SLMAP: variants seen among roughly 807,000 people sequenced by gnomAD.
SLMAP encodes sarcolemma associated protein.
SLMAP carries 44 observed loss-of-function variants against 128.8 expected under a neutral mutation model. The ratio of observed to expected loss-of-function variants is 0.34; its 90% CI spans 0.27 to 0.44. The LOEUF is 0.44. SLMAP is among the 20% of genes least tolerant of loss of function. SLMAP has a pLI of 1.00. For missense variants in SLMAP, 787 were observed against 985.3 expected, an observed-to-expected ratio of 0.80 and a Z score of 2.69; for synonymous variants, 327 against 348.8, an observed-to-expected ratio of 0.94 and a Z score of 0.70.
chr3:57,761,637 T>G (rs2078656696), intron 2 of SLMAP, among the ~76,000 whole-genome samples: 1 of 152,210 alleles, frequency 6.6e-6, no homozygotes, highest in African/African-American at 2.4e-5. Flanking sequence ...TTGATAACTT[T>G]GTCTAAATTG....
At position 57,910,894 on chromosome 3, in the gene SLMAP, C is replaced by T. The variant is rs1186390464; in HGVS notation, c.1700-1487C>T. ...GCCCAAGATACTTGCCCAAAAATAT[C>T]GCAGAGAAAAACTAGTCTTTGGGGT... On this transcript the variant is annotated intron_variant, in intron 19 of 24. Transcript: ENST00000671191. Among the ~76,000 whole-genome samples the T allele has an allele frequency of 3.9e-5, 6 of 152,212 alleles. No individual in the cohort carries two copies. The South Asian group carries it at 6.2e-4, about 16-fold the overall frequency.
At chr3:57,793,954 C>T (rs1221019251) in intron 2 of SLMAP, among the ~76,000 whole-genome samples, 3 of 151,510 alleles carry the variant, frequency 2.0e-5, no homozygotes, top group African/African-American at 7.3e-5. Context: ...GTAGCCCCAG[C>T]TACTCAGGAC....
intron 15 of SLMAP, among the ~76,000 whole-genome samples, chr3:57,893,521 A>G (rs1290582638): frequency 6.6e-6 from 1 of 152,162 alleles, no homozygotes; most frequent in East Asian, 1.9e-4. Context: ...ATTTGGCCCT[A>G]CCTTTAAGGC....
intron 2 of SLMAP, among the ~76,000 whole-genome samples, chr3:57,778,671 C>T (rs957371331): frequency 2.0e-5 from 3 of 149,168 alleles, no homozygotes; most frequent in Non-Finnish European, 4.4e-5. Context: ...AACTCTTGGG[C>T]TCAAGCAATC....
At chr3:57,859,900 G>A (rs187326631) in intron 8 of SLMAP, among the ~76,000 whole-genome samples, 114 of 152,198 alleles carry the variant, frequency 7.5e-4, no homozygotes, top group African/African-American at 2.5e-3. Flanking sequence ...GTTTTCTACG[G>A]GGAAAGCAAG....
rs1480120113 is a variant in SLMAP, at chr3:57,861,955, C to G, written c.835C>G (p.Leu279Val). The G allele has an allele frequency of 6.2e-7, 1 of 1,611,208 alleles. No individual in the cohort carries two copies. The highest frequency in any genetic ancestry group is 2.2e-5 in the East Asian group (1 of 44,804). Residue 279 changes from leucine to valine, a missense_variant, in exon 10 of 25, where the codon CTG becomes GTG. Leu to Val is a conservative substitution (Grantham distance 32). Around this residue, in one of 2 missense-constraint regions of SLMAP, gnomAD observed 715 missense variants for 843.6 expected, o/e 0.85. Coordinates refer to ENST00000671191, the MANE Select transcript of SLMAP (RefSeq NM_001377540.1). ...VRKLSEVERS[L>V]SNTEDECTHL... ...CTGTAAACTTGAATCGCAGCGAAGT[C>G]TGAGTAATACTGAAGATGAATGTAC...
At chr3:57,877,801 T>G (rs941633834) in intron 14 of SLMAP, among the ~76,000 whole-genome samples, 8 of 151,686 alleles carry the variant, frequency 5.3e-5, no homozygotes, top group African/African-American at 1.9e-4. Context: ...GTTTTCAGTC[T>G]ATCTTTGAAT....
At chr3:57,848,755 G>C (rs2094392337) in intron 5 of SLMAP, among the ~76,000 whole-genome samples, 1 of 132,300 alleles carries the variant, frequency 7.6e-6, no homozygotes, top group African/African-American at 2.8e-5. Context: ...TGTTGCCCAG[G>C]CTGGAGTGCA....
At chr3:57,912,113 G>C (rs147682531) in intron 19 of SLMAP, among the ~76,000 whole-genome samples, 3 of 152,064 alleles carry the variant, frequency 2.0e-5, no homozygotes, top group Non-Finnish European at 4.4e-5. Flanking sequence ...TTTAATGTTT[G>C]TTTTTACATG....
chr3:57,779,803 C>G (rs886614132), intron 2 of SLMAP, among the ~76,000 whole-genome samples: 5 of 152,008 alleles, frequency 3.3e-5, no homozygotes, highest in African/African-American at 1.2e-4. Flanking sequence ...AGTTATACCA[C>G]TAATAAGTGG....
intron 2 of SLMAP, among the ~76,000 whole-genome samples, chr3:57,788,801 G>A (rs2084796556): frequency 6.6e-6 from 1 of 152,170 alleles, no homozygotes; most frequent in African/African-American, 2.4e-5. Context: ...AGGGCTGGCT[G>A]TTCAGTAGAG....
chr3:57,903,749 A>T (rs1311748603), intron 17 of SLMAP, among the ~76,000 whole-genome samples: 1 of 152,000 alleles, frequency 6.6e-6, no homozygotes, highest in African/African-American at 2.4e-5. Flanking sequence ...AAACAGATTT[A>T]CAACTTACAT....
intron 20 of SLMAP, among the ~76,000 whole-genome samples, chr3:57,912,914 T>A (rs1559541562): frequency 2.0e-5 from 3 of 152,210 alleles, no homozygotes; most frequent in African/African-American, 7.2e-5. Flanking sequence ...ATTTTAAAAT[T>A]GTTAAAAATT....
rs566253259 is a variant in SLMAP, at chr3:57,895,370, C to T, written c.1361-1141C>T. 6.6e-5 allele frequency among the ~76,000 whole-genome samples: 10 copies of T among 152,058 alleles called. No homozygotes were observed. In the East Asian group the frequency reaches 1.9e-3, roughly 30 times the overall value. On this transcript the variant is annotated intron_variant, in intron 15 of 24. Coordinates refer to ENST00000671191, the MANE Select transcript of SLMAP (RefSeq NM_001377540.1). ...CTTTATTTTGAGACAGAGTCTTGCT[C>T]TGTCACCCAGGCTGGAGTGCAGTGG...
At chr3:57,915,014 T>C (rs1165679387) in intron 21 of SLMAP, among the ~76,000 whole-genome samples, 1 of 151,836 alleles carries the variant, frequency 6.6e-6, no homozygotes, top group Non-Finnish European at 1.5e-5. Context: ...GCCTCCTAAG[T>C]AGCTGGGATT....
intron 22 of SLMAP, among the ~76,000 whole-genome samples, chr3:57,922,425 CT>C (rs72397483): frequency 0.14 from 17,021 of 124,726 alleles, 674 homozygotes; most frequent in East Asian, 0.35. Context: ...AAAGGCTTTT[CT>C]TTTTTTTTTT....
At chr3:57,917,873 T>C (rs1186612621) in intron 22 of SLMAP, 1 of 152,228 alleles carries the variant, frequency 6.6e-6, no homozygotes, top group Non-Finnish European at 1.5e-5. Flanking sequence ...AGTTGTAGAC[T>C]TTCTTAAAAG....
intron 14 of SLMAP, among the ~76,000 whole-genome samples, chr3:57,888,970 C>T (rs1280405544): frequency 6.6e-6 from 1 of 151,874 alleles, no homozygotes; most frequent in Non-Finnish European, 1.5e-5. Context: ...CTGCAAGCTC[C>T]GCCTCCTGGG....
chr3:57,830,084 GA>G (rs2093231717), intron 2 of SLMAP, among the ~76,000 whole-genome samples: 1 of 152,070 alleles, frequency 6.6e-6, no homozygotes, highest in Non-Finnish European at 1.5e-5. Flanking sequence ...GTCCAGGCTG[GA>G]GTGCAGGGGC....
Sources: gnomAD v4.1 joint callset for allele counts (sites outside exome capture counted in the v4.1 genomes callset) on GRCh38, gnomAD v4.1.1 for gene constraint, gnomAD v4.1.1 regional missense constraint, MANE v1.5 for transcripts, NCBI Gene and HGNC (gene_info 2026-07-23, HGNC 2026-07-21) for gene names.